The following REPS1 variants were observed in gnomAD, a reference collection of about 807,000 sequenced individuals.
The protein encoded by REPS1 is RALBP1 associated Eps domain containing 1.
Under a neutral mutation model 100.9 loss-of-function variants are expected in REPS1, and 39 were observed. The observed-to-expected ratio is 0.39, with a 90% confidence interval of 0.30 to 0.50. The LOEUF is 0.50. Ranked by LOEUF, REPS1 falls within the 20% of genes least tolerant of loss-of-function variation. The pLI is 0.86. For synonymous variants in REPS1, 324 were observed against 340.3 expected (o/e 0.95, Z 0.53); for missense variants, 821 against 968.5 (o/e 0.85, Z 2.02).
At chr6:138,918,598 T>C (rs777429703) in intron 12 of REPS1, among the ~76,000 whole-genome samples, 6 of 152,208 alleles carry the variant, frequency 3.9e-5, no homozygotes, top group Admixed American at 6.5e-5. Context: ...AATAAATACG[T>C]TACTTCTGTA....
chr6:138,912,097 T>C (rs532014850), intron 16 of REPS1, among the ~76,000 whole-genome samples: 11 of 152,256 alleles, frequency 7.2e-5, no homozygotes, highest in African/African-American at 2.6e-4. Flanking sequence ...AGGGAGCTAG[T>C]AGGAAATTTT....
At chr6:138,934,992 T>C (rs148213848) in intron 8 of REPS1, among the ~76,000 whole-genome samples, 7 of 152,314 alleles carry the variant, frequency 4.6e-5, no homozygotes, top group African/African-American at 1.7e-4. Flanking sequence ...GCAACGCATA[T>C]GTAGAAAGAT....
At chr6:138,942,865 G>A (rs551801262) in intron 7 of REPS1, among the ~76,000 whole-genome samples, 6 of 151,840 alleles carry the variant, frequency 4.0e-5, no homozygotes, top group Non-Finnish European at 5.9e-5. Context: ...AGCGAATCTC[G>A]TGCCTCAGCC....
At position 138,963,447 on chromosome 6, in the gene REPS1, T is replaced by C. The variant is rs1046784973; in HGVS notation, c.154-15534A>G. 3.9e-5 allele frequency among the ~76,000 whole-genome samples: 6 copies of C among 152,316 alleles called. No individual in the cohort carries two copies. The East Asian group carries it at 1.2e-3, about 29-fold the overall frequency. ...GCACATGGTAGGCACTTAATACCTA[T>C]TGAAGGGAATTGCTCCCTGTCATGC... On this transcript the variant is annotated intron_variant, in intron 1 of 19. Transcript: ENST00000450536.
intron 1 of REPS1, among the ~76,000 whole-genome samples, chr6:138,955,852 T>C (rs186891160): frequency 3.4e-4 from 52 of 152,270 alleles, no homozygotes; most frequent in African/African-American, 1.2e-3. Flanking sequence ...CTGAGGAAAA[T>C]AATACACTAC....
At chr6:138,980,551 C>A (rs1784884152) in intron 1 of REPS1, among the ~76,000 whole-genome samples, 1 of 151,958 alleles carries the variant, frequency 6.6e-6, no homozygotes, top group Non-Finnish European at 1.5e-5. Context: ...CTCCCCTGAC[C>A]CCCCATCCAG....
intron 1 of REPS1, among the ~76,000 whole-genome samples, chr6:138,949,777 C>G (rs1442507944): frequency 6.6e-6 from 1 of 151,898 alleles, no homozygotes; most frequent in African/African-American, 2.4e-5. Context: ...TGCAAACTGT[C>G]ATGGAATTAA....
At position 138,944,524 on chromosome 6, in the gene REPS1, A is replaced by C. The variant is rs1483841521; in HGVS notation, c.727T>G (p.Leu243Val). Residue 243 changes from leucine (L) to valine (V), a missense_variant, in exon 5 of 20, where the codon TTA (leucine) becomes GTA (valine). Physicochemically the swap from Leu to Val is conservative, Grantham distance 32. Around this residue, in one of 3 missense-constraint regions of REPS1, gnomAD observed 757 missense variants for 866.4 expected, o/e 0.87. Transcript: ENST00000450536. ...FADTPPTSTL[L>V]TMHPASVQDQ... ...TGGACAGAAGCAGGATGCATGGTTA[A>C]AAGAGTACTGGTTGGTGGAGTATCT... 6.2e-7 allele frequency: 1 copy of C among 1,614,132 alleles called. No homozygotes were observed. The highest frequency in any genetic ancestry group is 1.1e-5 in the South Asian group (1 of 91,082).
chr6:138,972,167 T>A (rs1332537275), intron 1 of REPS1, among the ~76,000 whole-genome samples: 2 of 151,758 alleles, frequency 1.3e-5, no homozygotes, highest in East Asian at 3.9e-4. Flanking sequence ...TCAGTGAGAG[T>A]GAAGTTGTTC....
At chr6:138,919,495 G>A (rs1428383972) in intron 12 of REPS1, among the ~76,000 whole-genome samples, 2 of 152,194 alleles carry the variant, frequency 1.3e-5, no homozygotes, top group African/African-American at 4.8e-5. Context: ...GTCTGACACT[G>A]CCTCCTGTTA....
At position 138,944,574 on chromosome 6, in the gene REPS1, G is replaced by C; in HGVS notation, c.677C>G (p.Pro226Arg). ...TGCAAAACTGACCCAGTTTTCTTGA[G>C]GTGGAGGTGGGGAATGCCCTGACCA... ...AVWSGHSPPP[P>R]QENWVSFADT... is the part of the protein sequence containing the mutation. Residue 226 changes from proline to arginine, a missense_variant, in exon 5 of 20, where the codon CCT becomes CGT. Transcript: ENST00000450536. The C allele has an allele frequency of 6.2e-7, 1 of 1,614,014 alleles. No homozygotes were observed. The highest frequency in any genetic ancestry group is 8.5e-7 in the Non-Finnish European group (1 of 1,179,900).
At chr6:138,945,763 A>C in intron 2 of REPS1, 66 bp from the exon 3 acceptor site, 1 of 1,253,134 alleles carries the variant, frequency 8.0e-7, no homozygotes, top group African/African-American at 1.6e-5. Context: ...AACTAAAATA[A>C]GACATGAATT....
At chr6:138,908,984 G>A (rs1779840794) in intron 17 of REPS1, 168 bp from the exon 18 acceptor site, 2 of 605,434 alleles carry the variant, frequency 3.3e-6, no homozygotes, top group Non-Finnish European at 5.7e-6. Context: ...AAATTACAGT[G>A]AGAAAAGATG....
At chr6:138,908,216 A>G (rs1358048893) in intron 18 of REPS1, among the ~76,000 whole-genome samples, 8 of 148,266 alleles carry the variant, frequency 5.4e-5, no homozygotes, top group Non-Finnish European at 1.2e-4. Flanking sequence ...AAACATGGGA[A>G]GAATACCTAC....
chr6:138,970,691 G>A (rs980999421), intron 1 of REPS1, among the ~76,000 whole-genome samples: 1 of 152,198 alleles, frequency 6.6e-6, no homozygotes, highest in African/African-American at 2.4e-5. Context: ...GGCTGAGGTG[G>A]GAGGATCGCT....
At position 138,915,896 on chromosome 6, in the gene REPS1, G is replaced by A; in HGVS notation, c.1682C>T (p.Ser561Leu). 10 of 1,613,694 alleles carry A rather than the reference G, an allele frequency of 6.2e-6. No homozygotes were observed. The highest frequency in any genetic ancestry group is 8.5e-6 in the Non-Finnish European group (10 of 1,179,604). Residue 561 changes from serine (S) to leucine (L), a missense_variant, in exon 14 of 20, where the codon TCA becomes TTA. By Grantham distance (145) the Ser-to-Leu change is moderately radical. Coordinates refer to ENST00000450536, the MANE Select transcript of REPS1 (RefSeq NM_001286611.2). ...PRPQPSHSRS[S>L]SLDMNRTFTV... Reference sequence around the variant, plus strand: ...AAAGGTCCGATTCATATCTAAAGATGATGATCTAGAATGAGAGGGCTGTGG... The same window carrying A: ...AAAGGTCCGATTCATATCTAAAGATAATGATCTAGAATGAGAGGGCTGTGG...
intron 10 of REPS1, among the ~76,000 whole-genome samples, chr6:138,925,659 TAAAAAA>T (rs5880412): frequency 7.3e-6 from 1 of 137,858 alleles, no homozygotes; most frequent in South Asian, 2.3e-4. Context: ...ATCCTTGTCT[TAAAAAA>T]AAAAAAAAAG....
At chr6:138,978,480 T>TC (rs1324292786) in intron 1 of REPS1, among the ~76,000 whole-genome samples, 1 of 105,046 alleles carries the variant, frequency 9.5e-6, no homozygotes, top group Non-Finnish European at 1.7e-5. Context: ...ATTTATTTTA[T>TC]CTTTTTTTTT....
chr6:138,924,018 T>C (rs1381698091), intron 10 of REPS1, among the ~76,000 whole-genome samples: 2 of 152,176 alleles, frequency 1.3e-5, no homozygotes, highest in African/African-American at 2.4e-5. Context: ...TGTGGGATTG[T>C]GGCTACAGGC....
Sources: allele counts gnomAD v4.1 joint callset (sites outside exome capture counted in the v4.1 genomes callset), GRCh38; gene constraint gnomAD v4.1.1; regional missense constraint gnomAD v4.1.1; transcripts MANE v1.5; gene names NCBI Gene and HGNC (gene_info 2026-07-23, HGNC 2026-07-21).